The following AKT3 variants were observed in gnomAD, a reference collection of about 807,000 sequenced individuals.
AKT3 encodes the protein RAC-gamma serine/threonine-protein kinase.
In AKT3, 15 loss-of-function variants were observed where a neutral mutation model predicts 65.3. That is an observed-to-expected ratio of 0.23 (90% confidence interval 0.15 to 0.35). AKT3 has a LOEUF of 0.35. Ranked by LOEUF, AKT3 falls within the 10% of genes least tolerant of loss-of-function variation. AKT3 has a pLI of 1.00. For missense variants in AKT3, 243 were observed against 576.5 expected (o/e 0.42, Z 5.92); for synonymous variants, 206 against 183.8 (o/e 1.12, Z -0.98).
chr1:243,843,375 T>C, intron 1 of AKT3, 93 bp from the exon 2 acceptor site: 1 of 1,222,212 alleles, frequency 8.2e-7, no homozygotes, highest in Non-Finnish European at 1.0e-6. Flanking sequence ...TGTCTTCAAC[T>C]GGCCTGACCT....
chr1:243,640,134 G>C (rs893458250), intron 5 of AKT3, among the ~76,000 whole-genome samples: 2 of 152,156 alleles, frequency 1.3e-5, no homozygotes, highest in Non-Finnish European at 2.9e-5. Context: ...AAGTAGCAAA[G>C]AGATAGCAGG....
chr1:243,849,615 A>C (rs1015486021), intron 1 of AKT3, among the ~76,000 whole-genome samples: 1 of 151,408 alleles, frequency 6.6e-6, no homozygotes, highest in Non-Finnish European at 1.5e-5. Context: ...CCCCCGGTCC[A>C]GGCGGGCGCC....
chr1:243,718,542 T>A (rs1210148445), intron 2 of AKT3, among the ~76,000 whole-genome samples: 1 of 152,116 alleles, frequency 6.6e-6, no homozygotes, highest in Non-Finnish European at 1.5e-5. Context: ...CTCTGCCTCC[T>A]GGATTCAAGT....
At chr1:243,639,106 T>C (rs946769463) in intron 5 of AKT3, among the ~76,000 whole-genome samples, 5 of 152,176 alleles carry the variant, frequency 3.3e-5, no homozygotes, top group Non-Finnish European at 5.9e-5. Context: ...AAATGGCATT[T>C]TGACAATAAA....
At chr1:243,800,380 T>A (rs1692307103) in intron 2 of AKT3, among the ~76,000 whole-genome samples, 1 of 152,322 alleles carries the variant, frequency 6.6e-6, no homozygotes, top group Middle Eastern at 3.4e-3. Context: ...GAGTGTTAGC[T>A]ATAAGAGGGC....
rs1034346977 is a variant in AKT3, at chr1:243,504,764, C to T, written c.*485G>A. On this transcript the variant is annotated 3_prime_UTR_variant, in exon 14 of 14. Transcript: ENST00000673466. The stretch of plus-strand genomic sequence containing the variant: ...GGATCTGATGTGCTTTACATATGCA[C>T]GCCACCACCCTTCCACAATTGCTTG... 4 of 195,646 alleles carry T rather than the reference C, an allele frequency of 2.0e-5. No individual in the cohort carries two copies. The highest frequency in any genetic ancestry group is 1.6e-4 in the East Asian group (2 of 12,228). 12.1% of individuals were successfully genotyped at this position (195,646 alleles called of 1,614,324 possible). A position where few individuals can be genotyped will look rare whatever the true frequency, so the allele number is the denominator to read the frequency against.
At chr1:243,492,647 G>A (rs1454353438) in intron 13 of AKT3, among the ~76,000 whole-genome samples, 7 of 108,046 alleles carry the variant, frequency 6.5e-5, no homozygotes, top group Admixed American at 2.7e-4. Context: ...TGTTCTTGTC[G>A]CCCAGGCTGG....
At chr1:243,529,143 T>C (rs938929900) in intron 12 of AKT3, among the ~76,000 whole-genome samples, 8 of 150,208 alleles carry the variant, frequency 5.3e-5, no homozygotes, top group Admixed American at 4.6e-4. Flanking sequence ...CACTTTGTAA[T>C]GGAGCTTTTT....
chr1:243,710,204 G>A (rs553442734), intron 2 of AKT3, among the ~76,000 whole-genome samples: 61 of 151,858 alleles, frequency 4.0e-4, no homozygotes, highest in Non-Finnish European at 6.3e-4. Context: ...TACCAAGTAC[G>A]GTTTCATTTA....
chr1:243,630,415 A>G (rs1415897492), intron 6 of AKT3, among the ~76,000 whole-genome samples: 1 of 152,210 alleles, frequency 6.6e-6, no homozygotes, highest in Non-Finnish European at 1.5e-5. Flanking sequence ...TCTGCTTCCA[A>G]AATACAATGG....
rs117927207 is a variant in AKT3 at position 243,642,105 on chromosome 1, G to A, written c.429+3788C>T. 2.2e-3 allele frequency among the ~76,000 whole-genome samples: 335 copies of A among 152,226 alleles called. 9 individuals carry two copies. The East Asian group carries it at 0.054, about 25-fold the overall frequency. On this transcript the variant is annotated intron_variant, in intron 5 of 13. Coordinates refer to ENST00000673466, the MANE Select transcript of AKT3 (RefSeq NM_005465.7). The stretch of plus-strand genomic sequence containing the variant: ...AAATTACTATTAGTTAAAAAGCACT[G>A]TATGTGATAAAATCAGAAACAGATT...
intron 1 of AKT3, among the ~76,000 whole-genome samples, chr1:243,849,266 G>C (rs970155506): frequency 2.0e-5 from 3 of 152,084 alleles, no homozygotes; most frequent in African/African-American, 7.3e-5. Context: ...AGCATCACTG[G>C]ATCAGCCAAA....
At chr1:243,805,472 C>G (rs910890414) in intron 2 of AKT3, among the ~76,000 whole-genome samples, 1 of 152,192 alleles carries the variant, frequency 6.6e-6, no homozygotes, top group Non-Finnish European at 1.5e-5. Flanking sequence ...TATTGCTCTC[C>G]TACTTTTCAC....
intron 2 of AKT3, among the ~76,000 whole-genome samples, chr1:243,758,201 A>C (rs943064974): frequency 1.1e-4 from 16 of 152,208 alleles, no homozygotes; most frequent in African/African-American, 3.9e-4. Context: ...GCTTTCACGG[A>C]GTTTATATTT....
intron 2 of AKT3, among the ~76,000 whole-genome samples, chr1:243,792,055 G>C (rs1219776453): frequency 6.6e-6 from 1 of 152,120 alleles, no homozygotes; most frequent in African/African-American, 2.4e-5. Flanking sequence ...AAAAACATTT[G>C]ATCTAGGGGT....
downstream of AKT3, among the ~76,000 whole-genome samples, chr1:243,497,584 A>C (rs1229847552): frequency 7.2e-5 from 11 of 152,056 alleles, no homozygotes. Context: ...GATAGTGATA[A>C]ATTGCTAGGT....
chr1:243,515,284 T>C (rs1670279138), intron 12 of AKT3, among the ~76,000 whole-genome samples: 1 of 152,174 alleles, frequency 6.6e-6, no homozygotes, highest in Non-Finnish European at 1.5e-5. Context: ...GACATATGAT[T>C]TAATTTATTT....
At chr1:243,833,498 C>T (rs575268511) in intron 2 of AKT3, among the ~76,000 whole-genome samples, 12 of 150,962 alleles carry the variant, frequency 7.9e-5, no homozygotes, top group Non-Finnish European at 1.8e-4. Flanking sequence ...ATGGGGGAAA[C>T]TGCCCCCGTG....
intron 2 of AKT3, among the ~76,000 whole-genome samples, chr1:243,724,910 A>G (rs770220089): frequency 6.6e-6 from 1 of 152,094 alleles, no homozygotes; most frequent in Non-Finnish European, 1.5e-5. Context: ...GTACACAAGA[A>G]ACAAAAGTAG....
Sources: gnomAD v4.1 joint callset for allele counts (sites outside exome capture counted in the v4.1 genomes callset) on GRCh38, gnomAD v4.1.1 for gene constraint, MANE v1.5 for transcripts, NCBI Gene and HGNC (gene_info 2026-07-23, HGNC 2026-07-21) for gene names.